ATF2: variants seen among roughly 807,000 people sequenced by gnomAD.
ATF2 encodes activating transcription factor 2.
ATF2 carries 24 observed loss-of-function variants against 60.6 expected under a neutral mutation model. That is an observed-to-expected ratio of 0.40 (90% CI 0.29 to 0.56). The LOEUF (loss-of-function observed/expected upper bound fraction) is 0.56. Ranked by LOEUF, ATF2 falls within the 20% of genes least tolerant of loss-of-function variation. The pLI is 0.54. For synonymous variants in ATF2, 206 were observed against 215.4 expected, an observed-to-expected ratio of 0.96 and a Z score of 0.38; for missense variants, 433 against 607.7, an observed-to-expected ratio of 0.71 and a Z score of 3.02.
chr2:175,096,021 T>C (rs534278613), intron 11 of ATF2, among the ~76,000 whole-genome samples: 216 of 152,356 alleles, frequency 1.4e-3, no homozygotes, highest in South Asian at 6.2e-3. Context: ...CAACCACAAC[T>C]ACATTTCATT....
intron 1 of ATF2, among the ~76,000 whole-genome samples, chr2:175,154,251 A>ATTTT (rs1553515967): frequency 9.8e-4 from 146 of 148,966 alleles, no homozygotes; most frequent in East Asian, 4.9e-3. Context: ...ATATATATAT[A>ATTTT]TTTTTTACTT....
chr2:175,090,664 T>C (rs1694483306), intron 12 of ATF2, among the ~76,000 whole-genome samples: 3 of 152,160 alleles, frequency 2.0e-5, no homozygotes, highest in Admixed American at 1.3e-4. Context: ...ATTTGAGGTA[T>C]TAACTAAACT....
At chr2:175,160,259 C>A (rs1266343644) in intron 1 of ATF2, among the ~76,000 whole-genome samples, 4 of 152,110 alleles carry the variant, frequency 2.6e-5, no homozygotes, top group Admixed American at 6.5e-5. Flanking sequence ...GTAGCACATG[C>A]CTGTAGTCCC....
chr2:175,165,954 G>A lies in ATF2; in HGVS notation c.-143+2096C>T, dbSNP rs528549343. Among the ~76,000 whole-genome samples, 253 of 152,182 alleles carry A rather than the reference G, an allele frequency of 1.7e-3. 1 individual carries two copies. Among genetic ancestry groups the A allele is most frequent in the African/African-American group, 5.3e-3 (219 of 41,520 alleles). ...GCTGGCATTACAGGCATGAGCCACC[G>A]CGCACGCCCAGCCTCTACTATTATC... On this transcript the variant is annotated intron_variant, in intron 1 of 13. Transcript: ENST00000264110.
At chr2:175,116,050 T>C (rs999783429) in intron 7 of ATF2, among the ~76,000 whole-genome samples, 13 of 152,184 alleles carry the variant, frequency 8.5e-5, no homozygotes, top group African/African-American at 2.2e-4. Context: ...GAGGTAAGGA[T>C]AGATGCGTAG....
chr2:175,120,035 A>G (rs1294644751), intron 5 of ATF2, among the ~76,000 whole-genome samples: 1 of 151,388 alleles, frequency 6.6e-6, no homozygotes, highest in African/African-American at 2.4e-5. Context: ...CATGTTAGTG[A>G]AAAAAAAGGT....
intron 4 of ATF2, among the ~76,000 whole-genome samples, chr2:175,122,640 C>T (rs1380289229): frequency 6.6e-6 from 1 of 151,936 alleles, no homozygotes; most frequent in South Asian, 2.1e-4. Flanking sequence ...GTCCACTATC[C>T]GTCTGCCTGT....
At chr2:175,076,142 T>G (rs1389651771) in intron 13 of ATF2, among the ~76,000 whole-genome samples, 1 of 152,150 alleles carries the variant, frequency 6.6e-6, no homozygotes, top group Non-Finnish European at 1.5e-5. Flanking sequence ...GTGTCAACTT[T>G]AGCTAAAATA....
intron 4 of ATF2, among the ~76,000 whole-genome samples, chr2:175,129,000 T>C (rs751298217): frequency 1.6e-4 from 25 of 152,280 alleles, no homozygotes; most frequent in Non-Finnish European, 3.4e-4. Flanking sequence ...CTCCCATGTA[T>C]TCCTCCAAGA....
At chr2:175,088,337 T>C (rs1399455125) in intron 12 of ATF2, among the ~76,000 whole-genome samples, 1 of 152,162 alleles carries the variant, frequency 6.6e-6, no homozygotes, top group Non-Finnish European at 1.5e-5. Flanking sequence ...CTTCCAATTA[T>C]TGCTATTTTT....
In ATF2 at chr2:175,074,751, G is replaced by A. The variant is rs1693172557; in HGVS notation, c.1376C>T (p.Thr459Ile). ...GGAGGTTGAACTGACTCCATTGGAT[G>A]TGCTGACCGAACTATGCTGTATAGC... Reference protein sequence around the residue: ...TEAIQHSSVSTSNGVSSTSKA... With the variant: ...TEAIQHSSVSISNGVSSTSKA... Residue 459 changes from threonine to isoleucine, a missense_variant, in exon 14 of 14, where the codon ACA becomes ATA. Coordinates refer to ENST00000264110, the MANE Select transcript of ATF2 (RefSeq NM_001880.4). 1 of 1,613,580 alleles carries A rather than the reference G, an allele frequency of 6.2e-7. No individual in the cohort carries two copies. Among genetic ancestry groups the A allele is most frequent in the East Asian group, 2.2e-5 (1 of 44,868 alleles).
intron 1 of ATF2, among the ~76,000 whole-genome samples, chr2:175,152,624 G>A (rs1699388660): frequency 6.6e-6 from 1 of 152,136 alleles, no homozygotes; most frequent in African/African-American, 2.4e-5. Context: ...TGGAAAGAAG[G>A]GTTGCACTTA....
chr2:175,080,879 A>C, intron 12 of ATF2, 114 bp from the exon 13 acceptor site: 1 of 723,990 alleles, frequency 1.4e-6, no homozygotes, highest in Non-Finnish European at 2.3e-6. Flanking sequence ...CATTAAAAAC[A>C]AAGAAAATAT....
At chr2:175,147,710 T>A (rs1190865102) in intron 2 of ATF2, among the ~76,000 whole-genome samples, 1 of 152,132 alleles carries the variant, frequency 6.6e-6, no homozygotes, top group Non-Finnish European at 1.5e-5. Flanking sequence ...AACATTTTTT[T>A]AAAAAGAATA....
chr2:175,077,074 T>C (rs1434604479), intron 13 of ATF2, among the ~76,000 whole-genome samples: 1 of 151,928 alleles, frequency 6.6e-6, no homozygotes. Flanking sequence ...TGCAATAGTT[T>C]GCTGAGAATG....
At chr2:175,088,286 A>G (rs1055974684) in intron 12 of ATF2, among the ~76,000 whole-genome samples, 42 of 152,216 alleles carry the variant, frequency 2.8e-4, no homozygotes, top group African/African-American at 8.4e-4. Context: ...AAGATAGATC[A>G]TAGAATTCAG....
intron 2 of ATF2, among the ~76,000 whole-genome samples, chr2:175,141,963 C>T (rs1161588216): frequency 6.6e-6 from 1 of 151,708 alleles, no homozygotes; most frequent in African/African-American, 2.4e-5. Flanking sequence ...AACAATTGCT[C>T]CCAAGATTAG....
intron 3 of ATF2, among the ~76,000 whole-genome samples, chr2:175,134,154 TTTTC>T (rs1697955291): frequency 6.6e-6 from 1 of 152,208 alleles, no homozygotes; most frequent in Non-Finnish European, 1.5e-5. Flanking sequence ...TACAGACTTT[TTTTC>T]TTGTCATTAT....
At chr2:175,100,328 G>C (rs1695223530) in intron 10 of ATF2, among the ~76,000 whole-genome samples, 2 of 152,072 alleles carry the variant, frequency 1.3e-5, no homozygotes, top group South Asian at 4.1e-4. Flanking sequence ...GAATACTACT[G>C]AGGCCTCTAT....
Sources: allele counts gnomAD v4.1 joint callset (sites outside exome capture counted in the v4.1 genomes callset), GRCh38; gene constraint gnomAD v4.1.1; transcripts MANE v1.5; gene names NCBI Gene and HGNC (gene_info 2026-07-23, HGNC 2026-07-21).